Variants in TNFAIP6 observed in about 807,000 individuals in gnomAD.
TNFAIP6 encodes the protein TNF alpha induced protein 6.
A neutral mutation model predicts 33.7 loss-of-function variants in TNFAIP6; 36 were observed. The ratio of observed to expected loss-of-function variants is 1.07; its 90% confidence interval spans 0.82 to 1.41. The LOEUF is 1.41. TNFAIP6 is among the 40% of genes most tolerant of loss of function. TNFAIP6 has a pLI of 0.00. For missense variants in TNFAIP6, 273 were observed against 331.9 expected, an observed-to-expected ratio of 0.82 and a Z score of 1.38; for synonymous variants, 113 against 112.8, an observed-to-expected ratio of 1.00 and a Z score of -0.01.
Position 151,379,543 on chromosome 2 carries a change from A to C in TNFAIP6, c.*10A>C. 6.5e-7 allele frequency: 1 copy of C among 1,534,996 alleles called. No individual in the cohort carries two copies. The highest frequency in any genetic ancestry group is 8.7e-7 in the Non-Finnish European group (1 of 1,145,046). On this transcript the variant is annotated 3_prime_UTR_variant, in exon 6 of 6. Coordinates refer to ENST00000243347, the MANE Select transcript of TNFAIP6 (RefSeq NM_007115.4). Reference sequence around the variant, plus strand: ...ATTTAGCCACTTATAAAAAAAAAAAAAAGGATGATCAAAACACACAGTGTT... The same window carrying C: ...ATTTAGCCACTTATAAAAAAAAAAACAAGGATGATCAAAACACACAGTGTT...
At chr2:151,379,276 TCTC>T in intron 5 of TNFAIP6, 85 bp from the exon 6 acceptor site, 1 of 1,203,716 alleles carries the variant, frequency 8.3e-7, no homozygotes, top group Non-Finnish European at 1.1e-6. Context: ...ATTCTTATAT[TCTC>T]CTATGAGAAT....
In TNFAIP6 at chr2:151,366,368, T is replaced by G. The variant is rs574503895; in HGVS notation, c.394+151T>G. On this transcript the variant is annotated intron_variant, in intron 3 of 5. Coordinates refer to ENST00000243347, the MANE Select transcript of TNFAIP6 (RefSeq NM_007115.4). ...ACTACAATTCATAAAGTGCTTATAC[T>G]ATACCCGACATTGAGTTGTGTTCCT... 2.3e-4 allele frequency: 148 copies of G among 657,768 alleles called. No individual in the cohort carries two copies. The African/African-American group carries it at 2.5e-3, about 11-fold the overall frequency. 40.7% of individuals were successfully genotyped at this position (657,768 alleles called of 1,614,324 possible).
At chr2:151,372,714 G>C (rs111382840) in intron 4 of TNFAIP6, among the ~76,000 whole-genome samples, 2,432 of 152,300 alleles carry the variant, frequency 0.016, 68 homozygotes, top group African/African-American at 0.054. Context: ...GAGGTCAGGA[G>C]TTTGCGACCA....
chr2:151,360,124 T>C (rs180736596), intron 1 of TNFAIP6, among the ~76,000 whole-genome samples: 142 of 151,940 alleles, frequency 9.3e-4, no homozygotes, highest in African/African-American at 3.2e-3. Flanking sequence ...ATAGAGAAAC[T>C]CTGTCTCTAC....
At chr2:151,359,386 ATT>A (rs35150597) in intron 1 of TNFAIP6, among the ~76,000 whole-genome samples, 28 of 130,126 alleles carry the variant, frequency 2.2e-4, no homozygotes, top group Admixed American at 4.0e-4. Context: ...GCAACTCATA[ATT>A]TTTTTTTTTT....
intron 2 of TNFAIP6, among the ~76,000 whole-genome samples, chr2:151,365,496 G>A (rs1248466806): frequency 6.6e-6 from 1 of 151,398 alleles, no homozygotes; most frequent in Non-Finnish European, 1.5e-5. Flanking sequence ...AAAATTAGCT[G>A]GGCATGGTGG....
chr2:151,361,360 G>A (rs1216837381), intron 1 of TNFAIP6, among the ~76,000 whole-genome samples: 1 of 152,138 alleles, frequency 6.6e-6, no homozygotes, highest in Non-Finnish European at 1.5e-5. Flanking sequence ...ATAGGCATGA[G>A]CTACCATGCC....
At chr2:151,363,593 C>T (rs1161640219) in intron 1 of TNFAIP6, among the ~76,000 whole-genome samples, 1 of 151,874 alleles carries the variant, frequency 6.6e-6, no homozygotes, top group Non-Finnish European at 1.5e-5. Flanking sequence ...ACCCGGGAGG[C>T]GGAGCTTGCA....
intron 2 of TNFAIP6, among the ~76,000 whole-genome samples, chr2:151,365,851 G>A (rs887599871): frequency 6.6e-6 from 1 of 151,912 alleles, no homozygotes; most frequent in African/African-American, 2.4e-5. Flanking sequence ...TCAAGTAAGA[G>A]GTAGTTTTCC....
At position 151,370,039 on chromosome 2, in the gene TNFAIP6, C is replaced by T; in HGVS notation, c.414C>T (p.Val138=). The change falls in exon 4 of 6, where the codon GTC becomes GTT. Residue 138 remains valine (V), a synonymous_variant. Coordinates refer to ENST00000243347, the MANE Select transcript of TNFAIP6 (RefSeq NM_007115.4). Reference sequence around the variant, plus strand: ...TTTCAGCAAAGGAGTGTGGTGGCGTCTTTACAGATCCAAAGCAAATTTTTA... The same window carrying T: ...TTTCAGCAAAGGAGTGTGGTGGCGTTTTTACAGATCCAAAGCAAATTTTTA... The part of the protein sequence containing the change: ...YNPHAKECGG[V]FTDPKQIFKS... The T allele has an allele frequency of 6.2e-7, 1 of 1,613,734 alleles. No individual in the cohort carries two copies. Among genetic ancestry groups the T allele is most frequent in the Non-Finnish European group, 8.5e-7 (1 of 1,179,886 alleles).
At chr2:151,370,314 T>G in intron 4 of TNFAIP6, 66 bp downstream of exon 4, 3 of 1,193,832 alleles carry the variant, frequency 2.5e-6, no homozygotes, top group Non-Finnish European at 3.7e-6. Flanking sequence ...GCTTCTTTAA[T>G]TTTCCCTCAA....
intron 1 of TNFAIP6, among the ~76,000 whole-genome samples, chr2:151,362,052 T>C (rs532970404): frequency 9.2e-5 from 14 of 152,342 alleles, no homozygotes; most frequent in Admixed American, 8.5e-4. Context: ...CCAAGAAATA[T>C]GTATGTCCTC....
intron 3 of TNFAIP6, 114 bp downstream of exon 3, chr2:151,366,331 C>A (rs1400569951): frequency 5.5e-6 from 5 of 905,080 alleles, no homozygotes; most frequent in African/African-American, 1.7e-5. Context: ...GTAATAATAA[C>A]TACTACTAAT....
chr2:151,373,499 T>G lies in TNFAIP6; in HGVS notation c.624-50T>G. On this transcript the variant is annotated intron_variant, in intron 4 of 5. Coordinates refer to ENST00000243347, the MANE Select transcript of TNFAIP6 (RefSeq NM_007115.4). ...TATCAGTAACAGCCACTTTACTAGCTGTATAATATTCATTTGTGTGACATC... is the reference window on the plus strand; with the variant it reads ...TATCAGTAACAGCCACTTTACTAGCGGTATAATATTCATTTGTGTGACATC... 3 of 1,127,022 alleles carry G rather than the reference T, an allele frequency of 2.7e-6. No individual in the cohort carries two copies. In the South Asian group the frequency reaches 5.6e-5, roughly 21 times the overall value. 69.8% of individuals were successfully genotyped at this position (1,127,022 alleles called of 1,614,324 possible).
intron 1 of TNFAIP6, among the ~76,000 whole-genome samples, chr2:151,359,450 A>G (rs1279090189): frequency 7.0e-6 from 1 of 142,956 alleles, no homozygotes; most frequent in Non-Finnish European, 1.5e-5. Context: ...GTGCAGTGGC[A>G]CCATCTCGGC....
At chr2:151,364,728 G>A (rs1358573217) in intron 2 of TNFAIP6, among the ~76,000 whole-genome samples, 1 of 152,178 alleles carries the variant, frequency 6.6e-6, no homozygotes, top group African/African-American at 2.4e-5. Context: ...TGGGGAGAAT[G>A]GGCCACCCCC....
At position 151,379,598 on chromosome 2, in the gene TNFAIP6, TCTCA is replaced by T; in HGVS notation, c.*68_*71del. 1 of 1,147,100 alleles carries T rather than the reference TCTCA, an allele frequency of 8.7e-7. No individual in the cohort carries two copies. The highest frequency in any genetic ancestry group is 1.2e-6 in the Non-Finnish European group (1 of 846,556). The allele number at this position is 1,147,100 out of a possible 1,614,324, so 71.1% of individuals were successfully genotyped here. On this transcript the variant is annotated 3_prime_UTR_variant, in exon 6 of 6. Coordinates refer to ENST00000243347, the MANE Select transcript of TNFAIP6 (RefSeq NM_007115.4). ...TTGGAATCTTTTGGAACTCCTTTGATCTCACTGTTATTATTAACATTTATTTATT... is the reference window on the plus strand; with the variant it reads ...TTGGAATCTTTTGGAACTCCTTTGATCTGTTATTATTAACATTTATTTATT...
chr2:151,373,279 C>T lies in TNFAIP6; in HGVS notation c.624-270C>T, dbSNP rs1178803723. On this transcript the variant is annotated intron_variant, in intron 4 of 5. Transcript: ENST00000243347. ...GCGGTGAGCCGAGACTGCGCCACTG[C>T]ACTCCAGCCTGAGCGACAGAGCAAG... is the stretch of plus-strand genomic sequence containing the variant. Among the ~76,000 whole-genome samples the T allele has an allele frequency of 3.3e-5, 5 of 152,226 alleles. 1 individual carries two copies. The highest frequency in any genetic ancestry group is 2.6e-4 in the Admixed American group (4 of 15,298).
Position 151,357,660 on chromosome 2 carries a change from T to G in TNFAIP6, c.-7T>G. On this transcript the variant is annotated 5_prime_UTR_variant, in exon 1 of 6. Transcript: ENST00000243347. Reference sequence around the variant, plus strand: ...TAACAGGCTGTTACTTCACTACAACTGACGATATGATCATCTTAATTTACT... The same window carrying G: ...TAACAGGCTGTTACTTCACTACAACGGACGATATGATCATCTTAATTTACT... The G allele has an allele frequency of 6.3e-7, 1 of 1,590,702 alleles. No homozygotes were observed. Among genetic ancestry groups the G allele is most frequent in the Non-Finnish European group, 8.6e-7 (1 of 1,158,910 alleles).
Sources: gnomAD v4.1 joint callset for allele counts (sites outside exome capture counted in the v4.1 genomes callset) on GRCh38, gnomAD v4.1.1 for gene constraint, MANE v1.5 for transcripts, NCBI Gene and HGNC (gene_info 2026-07-23, HGNC 2026-07-21) for gene names.